The following RFX6 variants were observed in gnomAD, a reference collection of about 807,000 sequenced individuals.
RFX6 encodes regulatory factor X6.
In RFX6, 50 loss-of-function variants were observed where a neutral mutation model predicts 110.8. The ratio of observed to expected loss-of-function variants is 0.45; its 90% CI spans 0.36 to 0.57. The LOEUF (loss-of-function observed/expected upper bound fraction) is 0.57. Ranked by LOEUF, RFX6 falls within the 20% of genes least tolerant of loss-of-function variation. The probability of loss-of-function intolerance (pLI) is 0.00; values close to 1 mark genes in which losing one functional copy is unlikely to be tolerated. For synonymous variants in RFX6, 383 were observed against 411.2 expected, an observed-to-expected ratio of 0.93 and a Z score of 0.83; for missense variants, 990 against 1,127.0, an observed-to-expected ratio of 0.88 and a Z score of 1.74.
At chr6:116,887,395 CCT>C (rs1465875978) in intron 4 of RFX6, among the ~76,000 whole-genome samples, 1 of 152,152 alleles carries the variant, frequency 6.6e-6, no homozygotes, top group East Asian at 1.9e-4. Flanking sequence ...CTTACCATCC[CCT>C]GCCAGCCAAG....
At chr6:116,928,663 TC>T (rs1212804451) in intron 17 of RFX6, 95 bp from the exon 18 acceptor site, 2 of 810,752 alleles carry the variant, frequency 2.5e-6, no homozygotes, top group Middle Eastern at 2.2e-4. Context: ...CAGTTTGATA[TC>T]TTTAGGACGT....
intron 7 of RFX6, among the ~76,000 whole-genome samples, chr6:116,912,875 G>C (rs951089590): frequency 1.3e-5 from 2 of 152,030 alleles, no homozygotes; most frequent in African/African-American, 4.8e-5. Context: ...CAGGTATCAA[G>C]GTGCTTTTAT....
intron 6 of RFX6, among the ~76,000 whole-genome samples, chr6:116,901,799 A>G (rs944977346): frequency 1.4e-5 from 2 of 141,900 alleles, no homozygotes; most frequent in Non-Finnish European, 3.1e-5. Flanking sequence ...AGAAGGGACA[A>G]TATCTAGTGA....
chr6:116,900,470 G>C, intron 6 of RFX6, among the ~76,000 whole-genome samples: 1 of 152,094 alleles, frequency 6.6e-6, no homozygotes, highest in East Asian at 1.9e-4. Context: ...GGCCAGGTTG[G>C]TCTTGAACTC....
chr6:116,931,500 C>T lies in RFX6; in HGVS notation c.2781C>T (p.Gly927=), dbSNP rs1211691783. The T allele has an allele frequency of 1.9e-6, 3 of 1,611,834 alleles. No individual in the cohort carries two copies. Among genetic ancestry groups the T allele is most frequent in the Non-Finnish European group, 2.5e-6 (3 of 1,178,218 alleles). ...TGTTCATGGGAACAGCAGCTGGAGG[C>T]ACTTAAACCACCAATGTGGGAGGGG... ...NTVFMGTAAG[G]T Residue 927 remains glycine (G), a synonymous_variant, in exon 19 of 19, where the codon GGC becomes GGT. Coordinates refer to ENST00000332958, the MANE Select transcript of RFX6 (RefSeq NM_173560.4).
chr6:116,920,402 C>T lies in RFX6; in HGVS notation c.1275C>T (p.Ala425=). 2 of 1,612,920 alleles carry T rather than the reference C, an allele frequency of 1.2e-6. No individual in the cohort carries two copies. The highest frequency in any genetic ancestry group is 1.7e-6 in the Non-Finnish European group (2 of 1,179,006). The change falls in exon 12 of 19, where the codon GCC becomes GCT. Residue 425 remains alanine, a synonymous_variant. Coordinates refer to ENST00000332958, the MANE Select transcript of RFX6 (RefSeq NM_173560.4). ...ATTTGAACAGCATTGGCTCTCAAGC[C>T]CTTCTTACCATTTCAGGCAGCACAG... ...RVDLNSIGSQ[A]LLTISGSTDT... is the part of the protein sequence containing the mutation.
intron 4 of RFX6, among the ~76,000 whole-genome samples, chr6:116,887,227 C>T (rs1315408264): frequency 1.3e-5 from 2 of 151,924 alleles, no homozygotes; most frequent in Non-Finnish European, 2.9e-5. Context: ...CATCAAAGGC[C>T]ACTGCTGCTG....
intron 6 of RFX6, among the ~76,000 whole-genome samples, chr6:116,905,870 G>T (rs1163287367): frequency 6.6e-6 from 1 of 152,022 alleles, no homozygotes; most frequent in Non-Finnish European, 1.5e-5. Flanking sequence ...TACAATTTGT[G>T]TAATTTTTGT....
At chr6:116,923,422 GTC>G in intron 14 of RFX6, 198 bp downstream of exon 14, 1 of 576,262 alleles carries the variant, frequency 1.7e-6, no homozygotes, top group South Asian at 2.0e-5. Flanking sequence ...AACAATGATT[GTC>G]TCTGGCTATG....
Position 116,894,084 on chromosome 6 carries a change from A to G in RFX6, c.644+20A>G, listed in dbSNP as rs1774889293. 1 of 1,300,882 alleles carries G rather than the reference A, an allele frequency of 7.7e-7. No homozygotes were observed. Among genetic ancestry groups the G allele is most frequent in the Non-Finnish European group, 1.1e-6 (1 of 894,272 alleles). The allele number at this position is 1,300,882 out of a possible 1,614,324, so 80.6% of individuals were successfully genotyped here. On this transcript the variant is annotated intron_variant, in intron 5 of 18. Transcript: ENST00000332958. ...GACAAGGTAGAGTTACACCATCTTC[A>G]AGACAAATTCTCTGTGTTTCTTTAA... is the stretch of plus-strand genomic sequence containing the variant.
In RFX6 at chr6:116,910,922, T is replaced by C. The variant is rs1158307071; in HGVS notation, c.673-13T>C. The C allele has an allele frequency of 7.0e-6, 11 of 1,579,986 alleles. No individual in the cohort carries two copies. Among genetic ancestry groups the C allele is most frequent in the Admixed American group, 1.7e-5 (1 of 59,948 alleles). ...GATAATGATGTATTTGTTTTCATTT[T>C]TCTAAATTATAGGGTGGCTTCACTC... is the stretch of plus-strand genomic sequence containing the variant. On this transcript the variant is annotated splice_polypyrimidine_tract_variant and intron_variant, in intron 6 of 18. Transcript: ENST00000332958.
At position 116,924,770 on chromosome 6, in the gene RFX6, G is replaced by C. The variant is rs1160379129; in HGVS notation, c.1657G>C (p.Asp553His). ...DKEQELQNLL[D>H]KYMKNSDASK... is the part of the protein sequence containing the mutation. ...AGAGCAGGAGTTACAGAATTTATTG[G>C]ACAAGTATATGAAGAATTCAGGTAA... The change falls in exon 15 of 19, where the codon GAC becomes CAC. Residue 553 changes from aspartate (D) to histidine (H), a missense_variant. By Grantham distance (81) the Asp-to-His change is moderately conservative. Around this residue, in one of 5 missense-constraint regions of RFX6, gnomAD observed 89 missense variants for 140.3 expected, o/e 0.63. Transcript: ENST00000332958. 6.3e-7 allele frequency: 1 copy of C among 1,589,044 alleles called. No individual in the cohort carries two copies. The highest frequency in any genetic ancestry group is 1.7e-5 in the Admixed American group (1 of 59,952).
chr6:116,893,321 CA>C (rs1353452390), intron 4 of RFX6, among the ~76,000 whole-genome samples: 7 of 152,068 alleles, frequency 4.6e-5, no homozygotes, highest in Admixed American at 1.3e-4. Flanking sequence ...GAGAATAAGC[CA>C]TAATTTGAGA....
chr6:116,929,915 G>A (rs746088477), intron 18 of RFX6, among the ~76,000 whole-genome samples: 1 of 152,146 alleles, frequency 6.6e-6, no homozygotes, highest in African/African-American at 2.4e-5. Context: ...TTCTCTTCCT[G>A]TCACTGTCAC....
Position 116,922,232 on chromosome 6 carries a change from G to T in RFX6, c.1437+81G>T. The T allele has an allele frequency of 3.8e-6, 3 of 781,832 alleles. No homozygotes were observed. The South Asian group carries it at 4.1e-5, about 11-fold the overall frequency. The allele number at this position is 781,832 out of a possible 1,614,324, so 48.4% of individuals were successfully genotyped here. On this transcript the variant is annotated intron_variant, in intron 13 of 18. Transcript: ENST00000332958. ...ACTGGCTATAATTTTTTGTCTGGGG[G>T]GAGAGGGGTGGAAGGCTGTGTGTGT...
intron 13 of RFX6, 56 bp from the exon 14 acceptor site, chr6:116,923,051 G>A (rs1237517470): frequency 4.7e-6 from 4 of 843,460 alleles, no homozygotes; most frequent in Admixed American, 3.4e-5. Context: ...AACACAGGAT[G>A]CATGTAGTAC....
intron 2 of RFX6, among the ~76,000 whole-genome samples, chr6:116,879,026 T>C (rs1018147677): frequency 1.3e-5 from 2 of 151,944 alleles, no homozygotes; most frequent in African/African-American, 4.8e-5. Context: ...ATCTGGGATA[T>C]TTAGGATACA....
At chr6:116,888,871 ACTCT>A (rs1381758364) in intron 4 of RFX6, among the ~76,000 whole-genome samples, 1 of 151,816 alleles carries the variant, frequency 6.6e-6, no homozygotes, top group Admixed American at 6.6e-5. Flanking sequence ...CTTTGCATGA[ACTCT>A]CTCTCCCCAG....
chr6:116,911,169 T>C (rs1015470524), intron 7 of RFX6, 127 bp downstream of exon 7: 1 of 698,218 alleles, frequency 1.4e-6, no homozygotes, highest in African/African-American at 1.8e-5. Context: ...ATTGACTGAT[T>C]TATAGGAGAG....
Sources: gnomAD v4.1 joint callset for allele counts (sites outside exome capture counted in the v4.1 genomes callset) on GRCh38, gnomAD v4.1.1 for gene constraint, gnomAD v4.1.1 regional missense constraint, MANE v1.5 for transcripts, NCBI Gene and HGNC (gene_info 2026-07-23, HGNC 2026-07-21) for gene names.